OSBPL6: variants seen among roughly 807,000 people sequenced by gnomAD.
OSBPL6 encodes oxysterol-binding protein-related protein 6.
A neutral mutation model predicts 125.8 loss-of-function variants in OSBPL6; 49 were observed. The ratio of observed to expected loss-of-function variants is 0.39; its 90% CI spans 0.31 to 0.49. The LOEUF (loss-of-function observed/expected upper bound fraction) is 0.49, where lower values mean the gene tolerates loss of function less well. OSBPL6 is among the 20% of genes least tolerant of loss of function. OSBPL6 has a pLI of 0.88. For missense variants in OSBPL6, 986 were observed against 1,135.4 expected, an observed-to-expected ratio of 0.87 and a Z score of 1.89; for synonymous variants, 394 against 391.8, an observed-to-expected ratio of 1.01 and a Z score of -0.07.
At chr2:178,210,237 C>T (rs1008938083) in intron 1 of OSBPL6, among the ~76,000 whole-genome samples, 1 of 151,902 alleles carries the variant, frequency 6.6e-6, no homozygotes, top group Non-Finnish European at 1.5e-5. Context: ...GTTGGTCATG[C>T]TGGCCTTGAA....
chr2:178,382,749 C>T, intron 16 of OSBPL6: 4 of 1,434,618 alleles, frequency 2.8e-6, no homozygotes, highest in East Asian at 5.0e-5. Flanking sequence ...AGCTTGAGTC[C>T]TTCTTATTAA....
intron 2 of OSBPL6, among the ~76,000 whole-genome samples, chr2:178,293,921 T>C (rs1356164556): frequency 6.6e-6 from 1 of 152,140 alleles, no homozygotes; most frequent in African/African-American, 2.4e-5. Flanking sequence ...AACCTCTAAA[T>C]TTTATACCTT....
chr2:178,297,979 A>G (rs1461278800), intron 2 of OSBPL6, among the ~76,000 whole-genome samples: 1 of 152,164 alleles, frequency 6.6e-6, no homozygotes, highest in Non-Finnish European at 1.5e-5. Context: ...TCCATCTTTC[A>G]AAGTGAAATT....
At chr2:178,364,323 A>T (rs1215139850) in intron 13 of OSBPL6, among the ~76,000 whole-genome samples, 1 of 152,224 alleles carries the variant, frequency 6.6e-6, no homozygotes, top group Non-Finnish European at 1.5e-5. Context: ...CTATTACAGC[A>T]TATTTCTGCA....
At chr2:178,384,281 G>A in intron 18 of OSBPL6, 105 bp downstream of exon 18, 1 of 1,414,156 alleles carries the variant, frequency 7.1e-7, no homozygotes, top group South Asian at 1.3e-5. Flanking sequence ...TATGATACCA[G>A]TTGTGAATTC....
At chr2:178,260,303 A>T (rs186190355) in intron 1 of OSBPL6, among the ~76,000 whole-genome samples, 1 of 152,110 alleles carries the variant, frequency 6.6e-6, no homozygotes, top group South Asian at 2.1e-4. Flanking sequence ...ATTCTTTTGG[A>T]TTATCTAATT....
chr2:178,246,214 G>A (rs2091484978), intron 1 of OSBPL6, among the ~76,000 whole-genome samples: 1 of 151,970 alleles, frequency 6.6e-6, no homozygotes, highest in African/African-American at 2.4e-5. Flanking sequence ...TCTCCTTTAT[G>A]AAGGCCGTTC....
intron 3 of OSBPL6, among the ~76,000 whole-genome samples, chr2:178,322,831 C>T (rs1688355984): frequency 6.6e-6 from 1 of 150,914 alleles, no homozygotes; most frequent in African/African-American, 2.4e-5. Context: ...TACAGTGACA[C>T]TTGTATCTTT....
intron 21 of OSBPL6, among the ~76,000 whole-genome samples, chr2:178,390,369 A>G (rs2154118402): frequency 6.6e-6 from 1 of 152,266 alleles, no homozygotes; most frequent in East Asian, 1.9e-4. Context: ...ACACACATAT[A>G]CAGGCAGGCC....
At chr2:178,298,483 G>A (rs750635894) in intron 2 of OSBPL6, among the ~76,000 whole-genome samples, 5 of 152,144 alleles carry the variant, frequency 3.3e-5, no homozygotes, top group Non-Finnish European at 2.9e-5. Flanking sequence ...GAGTGCAGTG[G>A]CACGAGCTCA....
intron 1 of OSBPL6, among the ~76,000 whole-genome samples, chr2:178,202,480 A>G (rs1366913064): frequency 2.0e-5 from 3 of 152,188 alleles, no homozygotes; most frequent in Non-Finnish European, 2.9e-5. Flanking sequence ...GAAATCTATT[A>G]TCCTTATCTT....
intron 3 of OSBPL6, among the ~76,000 whole-genome samples, chr2:178,317,167 A>G (rs936944754): frequency 6.6e-6 from 1 of 151,882 alleles, no homozygotes; most frequent in South Asian, 2.1e-4. Flanking sequence ...TTTGGAATGT[A>G]GTAAATATGA....
At chr2:178,393,747 T>A (rs1695608821) in intron 23 of OSBPL6, among the ~76,000 whole-genome samples, 1 of 152,240 alleles carries the variant, frequency 6.6e-6, no homozygotes, top group African/African-American at 2.4e-5. Context: ...TTTTCTGAAT[T>A]TCATTTACTA....
At chr2:178,264,269 C>T (rs775176922) in intron 1 of OSBPL6, among the ~76,000 whole-genome samples, 6 of 152,156 alleles carry the variant, frequency 3.9e-5, no homozygotes, top group Non-Finnish European at 5.9e-5. Flanking sequence ...ATCATTATCA[C>T]ACTAACACTG....
intron 11 of OSBPL6, among the ~76,000 whole-genome samples, chr2:178,345,850 G>A (rs1172819720): frequency 6.6e-6 from 1 of 152,162 alleles, no homozygotes; most frequent in Non-Finnish European, 1.5e-5. Context: ...GATACATACA[G>A]TGAATATAAT....
intron 1 of OSBPL6, among the ~76,000 whole-genome samples, chr2:178,247,070 C>T (rs1323014996): frequency 7.3e-6 from 1 of 137,676 alleles, no homozygotes. Context: ...ATGCCTTAAG[C>T]TTTTTAATAA....
At chr2:178,233,093 T>C (rs2090901917) in intron 1 of OSBPL6, among the ~76,000 whole-genome samples, 2 of 152,218 alleles carry the variant, frequency 1.3e-5, no homozygotes, top group South Asian at 4.1e-4. Flanking sequence ...GAACTTTACA[T>C]TCTTATTTTC....
intron 3 of OSBPL6, among the ~76,000 whole-genome samples, chr2:178,306,665 G>A (rs1344651756): frequency 6.6e-6 from 1 of 152,180 alleles, no homozygotes; most frequent in Non-Finnish European, 1.5e-5. Context: ...TCACTGGGCT[G>A]CCAAGCCCTA....
intron 11 of OSBPL6, among the ~76,000 whole-genome samples, chr2:178,346,976 GT>G (rs1377280399): frequency 6.6e-6 from 1 of 152,170 alleles, no homozygotes; most frequent in Non-Finnish European, 1.5e-5. Context: ...GAACATTCAA[GT>G]CTCTTTCCCT....
Sources: gnomAD v4.1 joint callset for allele counts (sites outside exome capture counted in the v4.1 genomes callset) on GRCh38, gnomAD v4.1.1 for gene constraint, MANE v1.5 for transcripts, NCBI Gene and HGNC (gene_info 2026-07-23, HGNC 2026-07-21) for gene names.